Variants in PAEP observed in about 807,000 individuals in gnomAD.
The protein encoded by PAEP is progestagen associated endometrial protein, also known as glycodelin.
Under a neutral mutation model 23.0 loss-of-function variants are expected in PAEP, and 28 were observed. The ratio of observed to expected loss-of-function variants is 1.22; its 90% CI spans 0.90 to 1.67. The LOEUF is 1.67. PAEP is among the 40% of genes most tolerant of loss of function. The pLI is 0.00. For missense variants in PAEP, 209 were observed against 226.4 expected (o/e 0.92, Z 0.49); for synonymous variants, 103 against 92.4 (o/e 1.12, Z -0.66).
intron 3 of PAEP, among the ~76,000 whole-genome samples, chr9:135,563,390 GTATA>G (rs1181094125): frequency 3.5e-5 from 1 of 28,258 alleles, no homozygotes; most frequent in African/African-American, 1.2e-4. Flanking sequence ...AGGTGGGTAG[GTATA>G]CAGGTGGACA....
At chr9:135,562,169 G>T (rs1832328285) in intron 1 of PAEP, 125 bp from the exon 2 acceptor site, 1 of 1,102,870 alleles carries the variant, frequency 9.1e-7, no homozygotes, top group Non-Finnish European at 1.3e-6. Context: ...CCCAGGATCT[G>T]GTAGATAGCA....
intron 4 of PAEP, 200 bp from the exon 5 acceptor site, chr9:135,565,210 G>C (rs1275720912): frequency 1.5e-5 from 9 of 595,710 alleles, no homozygotes; most frequent in Non-Finnish European, 2.4e-5. Context: ...CAAGGAGTGG[G>C]AGCTGGGGTC....
chr9:135,564,276 A>C lies in PAEP; in HGVS notation c.343A>C (p.Thr115Pro). 6.4e-7 allele frequency: 1 copy of C among 1,553,390 alleles called. No individual in the cohort carries two copies. Among genetic ancestry groups the C allele is most frequent in the Non-Finnish European group, 8.7e-7 (1 of 1,147,834 alleles). ...TVANEATLLD[T>P]DYDNFLFLCL... ...GGCGAACGAGGCCACGCTGCTCGAT[A>C]CTGACTACGACAATTTCCTGTTTCT... The change falls in exon 4 of 7, where the codon ACT becomes CCT. Residue 115 changes from threonine (T) to proline (P), a missense_variant. Coordinates refer to ENST00000479141, the MANE Select transcript of PAEP (RefSeq NM_002571.4).
chr9:135,563,077 A>C, intron 3 of PAEP, 184 bp downstream of exon 3: 3 of 591,892 alleles, frequency 5.1e-6, no homozygotes, highest in Non-Finnish European at 9.1e-6. Flanking sequence ...TTTTACCTGG[A>C]GGGCAGGGGA....
rs770454988 is a variant in PAEP, at chr9:135,564,390, G to T, written c.421+36G>T. ...CAGCACATGAGCTCAACGTGGGTGA[G>T]AGGCAGCAGCTACGTCCGTGGCTGG... On this transcript the variant is annotated intron_variant, in intron 4 of 6. Coordinates refer to ENST00000479141, the MANE Select transcript of PAEP (RefSeq NM_002571.4). 25 of 1,546,622 alleles carry T rather than the reference G, an allele frequency of 1.6e-5. No homozygotes were observed. In the South Asian group the frequency reaches 3.0e-4, roughly 18 times the overall value.
intron 4 of PAEP, chr9:135,564,666 G>A (rs1832494931): frequency 1.8e-6 from 1 of 542,768 alleles, no homozygotes; most frequent in African/African-American, 2.1e-5. Flanking sequence ...ACCATGCCCA[G>A]CTAATTTTTG....
In PAEP at chr9:135,562,297, G is replaced by T. The variant is rs574993143; in HGVS notation, c.100G>T (p.Ala34Ser). The change falls in exon 2 of 7, where the codon GCA becomes TCA. Residue 34 changes from alanine to serine, a missense_variant. Transcript: ENST00000479141. ...TKQDLELPKL[A>S]GTWHSMAMAT... is the part of the protein sequence containing the mutation. ...GTGCAGCCCAAGGCCCCCTCAGTTG[G>T]CAGGGACCTGGCACTCCATGGCCAT... The T allele has an allele frequency of 4.2e-4, 685 of 1,613,574 alleles. 10 individuals are homozygous for T. The South Asian group carries it at 6.9e-3, about 16-fold the overall frequency.
chr9:135,562,017 C>T lies in PAEP; in HGVS notation c.96+120C>T, dbSNP rs6537901. On this transcript the variant is annotated intron_variant, in intron 1 of 6. Transcript: ENST00000479141. ...AGGAAGCACAGAATGGACGCCATGA[C>T]GTCAGGAAGCCCTCAGCCCTGCTCT... 3,918 of 834,556 alleles carry T rather than the reference C, an allele frequency of 4.7e-3. 103 individuals carry two copies. In the African/African-American group the frequency reaches 0.061, roughly 13 times the overall value. The allele number at this position is 834,556 out of a possible 1,614,324, so 51.7% of individuals were successfully genotyped here.
chr9:135,562,989 T>A, intron 3 of PAEP, 96 bp downstream of exon 3: 1 of 898,448 alleles, frequency 1.1e-6, no homozygotes, highest in Non-Finnish European at 1.9e-6. Context: ...GAGTGGGGCC[T>A]GGCCTGTCCC....
In PAEP at chr9:135,565,517, G is replaced by A. The variant is rs377654834; in HGVS notation, c.526+3G>A. 8 of 1,611,930 alleles carry A rather than the reference G, an allele frequency of 5.0e-6. No individual in the cohort carries two copies. In the African/African-American group the frequency reaches 5.3e-5, roughly 11 times the overall value. ...GCTGGACTTGAAACAGATGGAAGGT[G>A]AGCTCTGCCTAGGACACGCCCAGCC... is the stretch of plus-strand genomic sequence containing the variant. On this transcript the variant is annotated splice_donor_region_variant and intron_variant, in intron 5 of 6. Coordinates refer to ENST00000479141, the MANE Select transcript of PAEP (RefSeq NM_002571.4).
chr9:135,565,817 G>A lies in PAEP; in HGVS notation c.*16G>A. The A allele has an allele frequency of 6.2e-7, 1 of 1,614,060 alleles. No homozygotes were observed. Among genetic ancestry groups the A allele is most frequent in the East Asian group, 2.2e-5 (1 of 44,862 alleles). ...CCGTTTCTAGGTGAGCTCCTGCCTGGTCCTGCCTCCTGGGTAATGTATCAG... is the reference window on the plus strand; with the variant it reads ...CCGTTTCTAGGTGAGCTCCTGCCTGATCCTGCCTCCTGGGTAATGTATCAG... On this transcript the variant is annotated intron_variant, in intron 6 of 6. Transcript: ENST00000479141.
chr9:135,563,435 T>TAC (rs1473226994), intron 3 of PAEP, among the ~76,000 whole-genome samples: 1 of 118,172 alleles, frequency 8.5e-6, no homozygotes, highest in African/African-American at 3.3e-5. Context: ...GGCAGGTGAG[T>TAC]AGGTGAACAG....
chr9:135,564,564 C>T (rs908867886), intron 4 of PAEP: 21 of 861,642 alleles, frequency 2.4e-5, no homozygotes, highest in Non-Finnish European at 2.9e-5. Flanking sequence ...AGTGTAGTGA[C>T]GTGATCTCGG....
chr9:135,564,808 TGA>T (rs1260731184), intron 4 of PAEP: 10 of 985,390 alleles, frequency 1.0e-5, no homozygotes, highest in Non-Finnish European at 1.1e-5. Context: ...CCGGCCAGGC[TGA>T]GTTTTTCTCC....
intron 4 of PAEP, 172 bp from the exon 5 acceptor site, chr9:135,565,238 A>C (rs1832521567): frequency 3.2e-6 from 2 of 616,614 alleles, no homozygotes; most frequent in South Asian, 3.9e-5. Flanking sequence ...CTGGAGGTGC[A>C]GTGGACAGAG....
rs200987726 is a variant in PAEP at position 135,562,832 on chromosome 9, C to G, written c.249C>G (p.Ser83Arg). 3.1e-6 allele frequency: 5 copies of G among 1,613,520 alleles called. No homozygotes were observed. In the East Asian group the frequency reaches 8.9e-5, roughly 29 times the overall value. Residue 83 changes from serine (S) to arginine (R), a missense_variant, in exon 3 of 7, where the codon AGC (serine) becomes AGG (arginine). Transcript: ENST00000479141. The stretch of plus-strand genomic sequence containing the variant: ...CACCACCTTTCAGGGAGAACAACAG[C>G]TGTGTTGAGAAGAAGGTCCTTGGAG... The part of the protein sequence containing the change: ...EIVLHRWENN[S>R]CVEKKVLGEK...
At chr9:135,563,680 T>C (rs1378070347) in intron 3 of PAEP, among the ~76,000 whole-genome samples, 1 of 152,210 alleles carries the variant, frequency 6.6e-6, no homozygotes, top group East Asian at 1.9e-4. Context: ...GTCCACTGAA[T>C]TCTTCCTAAC....
intron 4 of PAEP, chr9:135,564,679 T>C (rs1832495371): frequency 1.7e-6 from 1 of 592,160 alleles, no homozygotes; most frequent in Non-Finnish European, 2.1e-6. Context: ...AATTTTTGTA[T>C]TTTTTGGTAG....
At chr9:135,562,512 C>A in intron 2 of PAEP, 79 bp downstream of exon 2, 2 of 1,515,998 alleles carry the variant, frequency 1.3e-6, no homozygotes, top group East Asian at 2.3e-5. Flanking sequence ...GTGGGTTGGG[C>A]GGAGCTGGAC....
Sources: gnomAD v4.1 joint callset for allele counts (sites outside exome capture counted in the v4.1 genomes callset) on GRCh38, gnomAD v4.1.1 for gene constraint, MANE v1.5 for transcripts, NCBI Gene and HGNC (gene_info 2026-07-23, HGNC 2026-07-21) for gene names.